Variants in ASIC2 observed in about 807,000 individuals in gnomAD.
ASIC2 encodes acid sensing ion channel subunit 2.
In ASIC2, 25 loss-of-function variants were observed where a neutral mutation model predicts 57.3. The ratio of observed to expected loss-of-function variants is 0.44; its 90% CI spans 0.32 to 0.61. ASIC2 has a LOEUF of 0.61. Among genes scored for constraint, ASIC2 ranks in the 20% least tolerant of loss-of-function variants. ASIC2 has a pLI of 0.06. For synonymous variants in ASIC2, 319 were observed against 307.5 expected (o/e 1.04, Z -0.39); for missense variants, 641 against 738.1 (o/e 0.87, Z 1.52).
intron 3 of ASIC2, among the ~76,000 whole-genome samples, chr17:33,054,136 T>C (rs1410309357): frequency 6.6e-6 from 1 of 152,088 alleles, no homozygotes; most frequent in Non-Finnish European, 1.5e-5. Context: ...TCTCCACCCA[T>C]TCCCTCTGCT....
intron 1 of ASIC2, among the ~76,000 whole-genome samples, chr17:33,270,486 T>C (rs992892115): frequency 2.0e-5 from 3 of 152,196 alleles, no homozygotes; most frequent in Non-Finnish European, 2.9e-5. Context: ...AAAATTCTTC[T>C]CTGGTCTACC....
At chr17:33,289,498 G>A (rs1295665502) in intron 1 of ASIC2, among the ~76,000 whole-genome samples, 1 of 152,162 alleles carries the variant, frequency 6.6e-6, no homozygotes, top group Non-Finnish European at 1.5e-5. Flanking sequence ...ATTCCTAGGA[G>A]TAGAGGTGGG....
intron 1 of ASIC2, among the ~76,000 whole-genome samples, chr17:33,178,167 A>C (rs1358572720): frequency 1.3e-5 from 2 of 152,206 alleles, no homozygotes; most frequent in Admixed American, 6.5e-5. Flanking sequence ...TCACCATAAA[A>C]AAGTTTGCAA....
In ASIC2 at chr17:33,311,404, A is replaced by ATGTG. The variant is rs1265292881; in HGVS notation, c.556-199341_556-199338dup. On this transcript the variant is annotated intron_variant, in intron 1 of 9. Transcript: ENST00000359872. Reference sequence around the variant, plus strand: ...GCTCCTAGCAATTGTGTGTGTTTGTATGTGTGTGTGTCTGTCTGTCTATCT... The same window carrying ATGTG: ...GCTCCTAGCAATTGTGTGTGTTTGTATGTGTGTGTGTGTGTCTGTCTGTCTATCT... 3.4e-5 allele frequency among the ~76,000 whole-genome samples: 5 copies of ATGTG among 145,950 alleles called. No individual in the cohort carries two copies. The East Asian group carries it at 8.2e-4, about 24-fold the overall frequency.
At chr17:33,941,267 T>G (rs888192718) in intron 1 of ASIC2, among the ~76,000 whole-genome samples, 2 of 151,094 alleles carry the variant, frequency 1.3e-5, no homozygotes, top group African/African-American at 4.9e-5. Flanking sequence ...GACAGGAGAG[T>G]CTTTCAGATC....
At chr17:33,629,159 C>T (rs1460098235) in intron 1 of ASIC2, among the ~76,000 whole-genome samples, 2 of 152,206 alleles carry the variant, frequency 1.3e-5, no homozygotes, top group African/African-American at 4.8e-5. Context: ...CCCCCTGGCT[C>T]CCATCCCAGA....
At chr17:34,000,056 T>G (rs12150201) in intron 1 of ASIC2, among the ~76,000 whole-genome samples, 19,181 of 151,432 alleles carry the variant, frequency 0.13, 1,641 homozygotes, top group East Asian at 0.35. Context: ...TATTGTTGTT[T>G]TTTTTTTTTC....
At chr17:33,758,472 T>G (rs1444635432) in intron 1 of ASIC2, among the ~76,000 whole-genome samples, 1 of 152,202 alleles carries the variant, frequency 6.6e-6, no homozygotes. Flanking sequence ...TACTGTTTGC[T>G]ATGGTTTGAA....
At chr17:33,319,550 A>G (rs1906786921) in intron 1 of ASIC2, among the ~76,000 whole-genome samples, 2 of 152,232 alleles carry the variant, frequency 1.3e-5, no homozygotes, top group African/African-American at 4.8e-5. Flanking sequence ...TTTATGGGTT[A>G]CATGAGATAT....
chr17:33,783,927 CCA>C (rs1911528452), intron 1 of ASIC2, among the ~76,000 whole-genome samples: 1 of 152,216 alleles, frequency 6.6e-6, no homozygotes, highest in East Asian at 1.9e-4. Context: ...ACTTTCTACG[CCA>C]TACCGTCTCC....
At chr17:33,199,415 G>A (rs970693519) in intron 1 of ASIC2, among the ~76,000 whole-genome samples, 2 of 152,164 alleles carry the variant, frequency 1.3e-5, no homozygotes, top group African/African-American at 4.8e-5. Flanking sequence ...CTTCATTAGG[G>A]GAGGTAACCA....
chr17:33,309,276 CA>C (rs1659322922), intron 1 of ASIC2, among the ~76,000 whole-genome samples: 1 of 152,044 alleles, frequency 6.6e-6, no homozygotes, highest in Non-Finnish European at 1.5e-5. Flanking sequence ...TCTTTTTCTT[CA>C]TATACCCCAT....
At chr17:33,097,386 T>A (rs2092186560) in intron 2 of ASIC2, among the ~76,000 whole-genome samples, 1 of 152,230 alleles carries the variant, frequency 6.6e-6, no homozygotes, top group African/African-American at 2.4e-5. Flanking sequence ...TCATGCTCAT[T>A]TTTCAGATGA....
chr17:33,882,184 C>T (rs1006986596), intron 1 of ASIC2, among the ~76,000 whole-genome samples: 6 of 152,116 alleles, frequency 3.9e-5, no homozygotes, highest in African/African-American at 7.2e-5. Flanking sequence ...CATTACCATT[C>T]GGGACATAGG....
At chr17:33,421,445 G>A (rs935171363) in intron 1 of ASIC2, among the ~76,000 whole-genome samples, 5 of 152,186 alleles carry the variant, frequency 3.3e-5, no homozygotes, top group South Asian at 2.1e-4. Flanking sequence ...AGTGGGCCCC[G>A]GGAAAGGGGG....
At chr17:33,461,980 G>A (rs1226251828) in intron 1 of ASIC2, among the ~76,000 whole-genome samples, 1 of 152,132 alleles carries the variant, frequency 6.6e-6, no homozygotes, top group Non-Finnish European at 1.5e-5. Context: ...CAGGCACTGG[G>A]GATACAAAGA....
At chr17:33,099,700 GTGT>G (rs2092203292) in intron 2 of ASIC2, among the ~76,000 whole-genome samples, 1 of 152,138 alleles carries the variant, frequency 6.6e-6, no homozygotes, top group African/African-American at 2.4e-5. Context: ...TGGGTAACTG[GTGT>G]TCAGATTATC....
chr17:33,266,660 G>T (rs1909472569), intron 1 of ASIC2, among the ~76,000 whole-genome samples: 1 of 150,964 alleles, frequency 6.6e-6, no homozygotes, highest in Admixed American at 6.6e-5. Context: ...CCTTACACGT[G>T]CATCCCCGAC....
chr17:33,122,655 G>A (rs926693718), intron 1 of ASIC2, among the ~76,000 whole-genome samples: 5 of 152,088 alleles, frequency 3.3e-5, no homozygotes, highest in African/African-American at 1.2e-4. Context: ...TGTCTTTGTA[G>A]TTTAAATATT....
Sources: allele counts gnomAD v4.1 joint callset (sites outside exome capture counted in the v4.1 genomes callset), GRCh38; gene constraint gnomAD v4.1.1; transcripts MANE v1.5; gene names NCBI Gene and HGNC (gene_info 2026-07-23, HGNC 2026-07-21).